The following HSPG2 variants were observed in gnomAD, a reference collection of about 807,000 sequenced individuals.
HSPG2 encodes the protein basement membrane-specific heparan sulfate proteoglycan core protein.
In HSPG2, 278 loss-of-function variants were observed where a neutral mutation model predicts 526.6. That is an observed-to-expected ratio of 0.53 (90% confidence interval 0.48 to 0.58). The LOEUF (loss-of-function observed/expected upper bound fraction) is 0.58, where lower values mean the gene tolerates loss of function less well. HSPG2 is among the 20% of genes least tolerant of loss of function. The pLI is 0.00. For missense variants in HSPG2, 5,354 were observed against 6,099.5 expected (o/e 0.88, Z 4.07); for synonymous variants, 2,465 against 2,555.4 (o/e 0.96, Z 1.07).
rs370569200 is a variant in HSPG2 at position 21,846,605 on chromosome 1, G to C, written c.8165-6C>G. 6.2e-7 allele frequency: 1 copy of C among 1,613,506 alleles called. No homozygotes were observed. The highest frequency in any genetic ancestry group is 1.7e-5 in the Admixed American group (1 of 60,028). ...GGGCATGGAGCTGCCAGGGGCTGGG[G>C]GAACAGAGATCAGTGAGTCGGCACA... is the stretch of plus-strand genomic sequence containing the variant. On this transcript the variant is annotated splice_region_variant and splice_polypyrimidine_tract_variant and intron_variant, in intron 62 of 96. Transcript: ENST00000374695.
chr1:21,895,848 C>CA lies in HSPG2; in HGVS notation c.244+73dup, dbSNP rs1280550840. On this transcript the variant is annotated intron_variant, in intron 3 of 96. Coordinates refer to ENST00000374695, the MANE Select transcript of HSPG2 (RefSeq NM_005529.7). This position sits in a 1 kb window ranked among gnomAD's most constrained non-coding sequence, Gnocchi z 4.1. ...CCCCAGGGCAGGCCCAAGGAGCCCT[C>CA]AGCCCAGGAGACTGGCTCTGGGGCT... The CA allele has an allele frequency of 7.1e-7, 1 of 1,416,066 alleles. No homozygotes were observed. The highest frequency in any genetic ancestry group is 1.4e-5 in the African/African-American group (1 of 71,146). 87.7% of individuals were successfully genotyped at this position (1,416,066 alleles called of 1,614,324 possible).
Position 21,839,185 on chromosome 1 carries a change from A to G in HSPG2, c.9890-100T>C. The G allele has an allele frequency of 6.7e-7, 1 of 1,498,180 alleles. No individual in the cohort carries two copies. Among genetic ancestry groups the G allele is most frequent in the Admixed American group, 1.9e-5 (1 of 53,134 alleles). The allele number at this position is 1,498,180 out of a possible 1,614,324, so 92.8% of individuals were successfully genotyped here. A position where few individuals can be genotyped will look rare whatever the true frequency, so the allele number is the denominator to read the frequency against. On this transcript the variant is annotated intron_variant, in intron 73 of 96. Transcript: ENST00000374695. This position sits in a 1 kb window ranked among gnomAD's most constrained non-coding sequence, Gnocchi z 4.5. ...TCCAGGGAAGCTGAATGGTGAGCCC[A>G]GAGGACTGGGGATAAGGAAAGCAAA... is the stretch of plus-strand genomic sequence containing the variant.
chr1:21,868,933 A>G, intron 33 of HSPG2: 1 of 982,846 alleles, frequency 1.0e-6, no homozygotes, highest in African/African-American at 1.8e-5. Flanking sequence ...AGAGGCTTCC[A>G]GGAAGCAGAG....
chr1:21,908,911 A>G lies in HSPG2; in HGVS notation c.64-12601T>C, dbSNP rs191850449. Among the ~76,000 whole-genome samples, 449 of 152,348 alleles carry G rather than the reference A, an allele frequency of 2.9e-3. 3 individuals carry two copies. The highest frequency in any genetic ancestry group is 4.5e-3 in the Non-Finnish European group (305 of 68,036). On this transcript the variant is annotated intron_variant, in intron 1 of 96. Transcript: ENST00000374695. ...GACTGGTGGTCAGGAGTTCGAGACC[A>G]GCCTGACCAACATGGTGAAACCCCG...
At position 21,824,054 on chromosome 1, in the gene HSPG2, G is replaced by T; in HGVS notation, c.12899+67C>A. ...CTCAATACCTGCCTCTCTGCCCATG[G>T]TAGGGGGCGTCCTGCCCCACTCCAG... is the stretch of plus-strand genomic sequence containing the variant. On this transcript the variant is annotated intron_variant, in intron 95 of 96. Coordinates refer to ENST00000374695, the MANE Select transcript of HSPG2 (RefSeq NM_005529.7). This position sits in a 1 kb window ranked among gnomAD's most constrained non-coding sequence, Gnocchi z 5.9. 1 of 1,417,496 alleles carries T rather than the reference G, an allele frequency of 7.1e-7. No homozygotes were observed. The highest frequency in any genetic ancestry group is 9.8e-7 in the Non-Finnish European group (1 of 1,017,494). 87.8% of individuals were successfully genotyped at this position (1,417,496 alleles called of 1,614,324 possible).
intron 85 of HSPG2, 97 bp downstream of exon 85, chr1:21,830,885 A>G (rs970720390): frequency 3.4e-5 from 26 of 775,782 alleles, no homozygotes; most frequent in Non-Finnish European, 5.2e-5. Context: ...GGGGGTGTGG[A>G]AGTGCCCCAG....
chr1:21,831,257 G>A lies in HSPG2; in HGVS notation c.11520C>T (p.His3840=), dbSNP rs762171038. Reference sequence around the variant, plus strand: ...GACAGGTGGGGCAGTGGGAGATGCCGTGCGCCGTGAGGTTGAGGTCATGGA... The same window carrying A: ...GACAGGTGGGGCAGTGGGAGATGCCATGCGCCGTGAGGTTGAGGTCATGGA... ...IVFHDLNLTA[H]GISHCPTCRD... The change falls in exon 84 of 97, where the codon CAC becomes CAT. Residue 3840 remains histidine, a synonymous_variant. Transcript: ENST00000374695. 3.7e-5 allele frequency: 60 copies of A among 1,613,880 alleles called. No individual in the cohort carries two copies. The highest frequency in any genetic ancestry group is 4.6e-5 in the Non-Finnish European group (54 of 1,179,974).
Position 21,855,778 on chromosome 1 carries a change from C to T in HSPG2, c.5701+9G>A, listed in dbSNP as rs549778143. 11 of 1,612,736 alleles carry T rather than the reference C, an allele frequency of 6.8e-6. No homozygotes were observed. Among genetic ancestry groups the T allele is most frequent in the African/African-American group, 4.0e-5 (3 of 75,034 alleles). ...CAGGCCTTGAATGTCATTCCCATCA[C>T]GGCCTCACCTGTCCACTCGAGGGTG... On this transcript the variant is annotated intron_variant, in intron 45 of 96. Transcript: ENST00000374695.
rs1356701695 is a variant in HSPG2, at chr1:21,828,486, C to T, written c.12238-60G>A. 1.3e-6 allele frequency: 2 copies of T among 1,558,886 alleles called. No homozygotes were observed. The highest frequency in any genetic ancestry group is 2.2e-5 in the East Asian group (1 of 44,566). ...CCTGGGAGGCAGAGACCCAGGTGTA[C>T]CAGCAGGGAGAAGAATGCAGCAGAG... is the stretch of plus-strand genomic sequence containing the variant. On this transcript the variant is annotated intron_variant, in intron 88 of 96. Coordinates refer to ENST00000374695, the MANE Select transcript of HSPG2 (RefSeq NM_005529.7). The surrounding 1 kb of genome is among the most constrained non-coding windows in gnomAD (Gnocchi z 6.0).
chr1:21,873,209 C>T (rs1557758472), intron 30 of HSPG2, 118 bp from the exon 31 acceptor site: 1 of 1,138,184 alleles, frequency 8.8e-7, no homozygotes, highest in Non-Finnish European at 1.3e-6. Flanking sequence ...ACTCAACACT[C>T]TCACGACAGC....
intron 1 of HSPG2, among the ~76,000 whole-genome samples, chr1:21,927,612 T>G (rs1213713732): frequency 6.6e-6 from 1 of 152,088 alleles, no homozygotes; most frequent in African/African-American, 2.4e-5. Flanking sequence ...CACCTCCTGT[T>G]GCTCAGAGCC....
Position 21,878,670 on chromosome 1 carries a change from G to GT in HSPG2, c.2472-8dup. 1 of 1,613,060 alleles carries GT rather than the reference G, an allele frequency of 6.2e-7. No individual in the cohort carries two copies. Among genetic ancestry groups the GT allele is most frequent in the Non-Finnish European group, 8.5e-7 (1 of 1,179,024 alleles). On this transcript the variant is annotated splice_polypyrimidine_tract_variant and splice_region_variant and intron_variant, in intron 18 of 96. Transcript: ENST00000374695. ...GAAGCAAGTGTCTGAGAATCTGCAGGTATCAAGTGGACAGGGCATGGGGCA... is the reference window on the plus strand; with the variant it reads ...GAAGCAAGTGTCTGAGAATCTGCAGGTTATCAAGTGGACAGGGCATGGGGCA...
At chr1:21,932,461 C>T (rs1239964416) in intron 1 of HSPG2, among the ~76,000 whole-genome samples, 3 of 152,214 alleles carry the variant, frequency 2.0e-5, no homozygotes, top group Admixed American at 1.3e-4. Flanking sequence ...CAAAGATATT[C>T]ACTAAGCACT....
Position 21,834,766 on chromosome 1 carries a change from C to G in HSPG2, c.10633G>C (p.Val3545Leu), listed in dbSNP as rs538111168. Residue 3545 changes from valine to leucine, a missense_variant, in exon 77 of 97, where the codon GTA (valine) becomes CTA (leucine). Transcript: ENST00000374695. ...QSGGVVRIAHVELADAGQYRC... is the reference protein window; with the variant it reads ...QSGGVVRIAHLELADAGQYRC... ...TACTGTCCCGCATCAGCCAGCTCTA[C>G]GTGGGCGATCCTGACGACACCTCCG... The G allele has an allele frequency of 6.2e-7, 1 of 1,614,186 alleles. No homozygotes were observed. The highest frequency in any genetic ancestry group is 8.5e-7 in the Non-Finnish European group (1 of 1,180,018).
intron 37 of HSPG2, among the ~76,000 whole-genome samples, chr1:21,863,065 A>AC (rs1284437509): frequency 0.15 from 11,055 of 72,322 alleles, 1,286 homozygotes; most frequent in South Asian, 0.24. Flanking sequence ...CATCTCAAAA[A>AC]AAAAAAAAAA....
chr1:21,882,777 C>T (rs992733727), intron 13 of HSPG2, among the ~76,000 whole-genome samples: 4 of 152,124 alleles, frequency 2.6e-5, no homozygotes, highest in African/African-American at 9.7e-5. Flanking sequence ...AAGGCCGTCC[C>T]TCCCGGCTCT....
chr1:21,862,355 G>C (rs532060678), intron 37 of HSPG2, among the ~76,000 whole-genome samples: 1 of 152,164 alleles, frequency 6.6e-6, no homozygotes, highest in African/African-American at 2.4e-5. Flanking sequence ...AGGCCGAGGC[G>C]GGTGGATCAC....
intron 1 of HSPG2, among the ~76,000 whole-genome samples, chr1:21,920,622 A>G (rs1339482304): frequency 1.3e-5 from 2 of 152,156 alleles, no homozygotes; most frequent in African/African-American, 2.4e-5. Flanking sequence ...TCTCTCTGCA[A>G]CCTCAGCCTG....
Position 21,890,657 on chromosome 1 carries a change from G to C in HSPG2, c.282C>G (p.Ile94Met), listed in dbSNP as rs766053015. 6.2e-7 allele frequency: 1 copy of C among 1,614,010 alleles called. No homozygotes were observed. Among genetic ancestry groups the C allele is most frequent in the Non-Finnish European group, 8.5e-7 (1 of 1,179,902 alleles). Residue 94 changes from isoleucine (I) to methionine (M), a missense_variant, in exon 4 of 97, where the codon ATC (isoleucine) becomes ATG (methionine). Physicochemically the swap from Ile to Met is conservative, Grantham distance 10. Transcript: ENST00000374695. This position sits in a 1 kb window ranked among gnomAD's most constrained non-coding sequence, Gnocchi z 4.1. The part of the protein sequence containing the change: ...FRALVNFTRS[I>M]EYSPQLEDAG... ...CATCCTCCAGCTGAGGGCTGTACTC[G>C]ATGGAGCGAGTGAAATTCACCAGGG...
Sources: allele counts gnomAD v4.1 joint callset (sites outside exome capture counted in the v4.1 genomes callset), GRCh38; gene constraint gnomAD v4.1.1; non-coding constraint Gnocchi (gnomAD v3.1); transcripts MANE v1.5; gene names NCBI Gene and HGNC (gene_info 2026-07-23, HGNC 2026-07-21).